The following HABP4 variants were observed in gnomAD, a reference collection of about 807,000 sequenced individuals.
HABP4 encodes the protein hyaluronan binding protein 4.
A neutral mutation model predicts 44.1 loss-of-function variants in HABP4; 32 were observed. The ratio of observed to expected loss-of-function variants is 0.73; its 90% CI spans 0.55 to 0.97. HABP4 has a LOEUF of 0.97. Ranked by LOEUF, HABP4 falls within the 50% of genes least tolerant of loss-of-function variation. The pLI is 0.00. For missense variants in HABP4, 503 were observed against 561.9 expected (o/e 0.90, Z 1.06); for synonymous variants, 216 against 218.0 (o/e 0.99, Z 0.08).
Position 96,490,325 on chromosome 9 carries a change from G to A in HABP4, c.*287G>A, listed in dbSNP as rs1253271855. On this transcript the variant is annotated 3_prime_UTR_variant, in exon 8 of 8. Transcript: ENST00000375249. ...ATATAGAGATAGTATAGACTCCTCC[G>A]CGGAAGCATGGAGGGAAAGGAGGTT... The A allele has an allele frequency of 1.2e-5, 4 of 328,886 alleles. No individual in the cohort carries two copies. The highest frequency in any genetic ancestry group is 6.5e-5 in the South Asian group (1 of 15,382). The allele number at this position is 328,886 out of a possible 1,614,324, so 20.4% of individuals were successfully genotyped here.
At chr9:96,478,709 A>G (rs973994188) in intron 5 of HABP4, among the ~76,000 whole-genome samples, 1 of 149,444 alleles carries the variant, frequency 6.7e-6, no homozygotes, top group East Asian at 2.0e-4. Context: ...CACCCAGGCT[A>G]GAGTACAGTG....
intron 2 of HABP4, among the ~76,000 whole-genome samples, chr9:96,462,685 G>C (rs1441633066): frequency 6.6e-6 from 1 of 152,018 alleles, no homozygotes; most frequent in Non-Finnish European, 1.5e-5. Context: ...TAGCACTTTG[G>C]GAGGCCTAGG....
chr9:96,462,464 A>T (rs10761022), intron 2 of HABP4, among the ~76,000 whole-genome samples: 45,294 of 151,506 alleles, frequency 0.3, 8,805 homozygotes, highest in African/African-American at 0.56. Flanking sequence ...AAAAAAAAAA[A>T]TTGCCAGGCG....
At chr9:96,468,184 T>G (rs1832636847) in intron 4 of HABP4, among the ~76,000 whole-genome samples, 1 of 151,980 alleles carries the variant, frequency 6.6e-6, no homozygotes, top group Non-Finnish European at 1.5e-5. Flanking sequence ...CCGGGCTCAG[T>G]TGATCCTTCC....
chr9:96,488,378 C>T lies in HABP4; in HGVS notation c.1185+104C>T, dbSNP rs1200169083. 5.7e-6 allele frequency: 4 copies of T among 701,336 alleles called. No homozygotes were observed. The East Asian group carries it at 1.1e-4, about 19-fold the overall frequency. 43.4% of individuals were successfully genotyped at this position (701,336 alleles called of 1,614,324 possible). The stretch of plus-strand genomic sequence containing the variant: ...GGGTCATGAGTTTCTGCAGTCACTT[C>T]TTTCTGTAGCTAGTGTGGGACTGAT... On this transcript the variant is annotated intron_variant, in intron 7 of 7. Transcript: ENST00000375249. This position sits in a 1 kb window ranked among gnomAD's most constrained non-coding sequence, Gnocchi z 4.6.
At chr9:96,467,527 C>CTTT (rs566272718) in intron 4 of HABP4, among the ~76,000 whole-genome samples, 38 of 118,122 alleles carry the variant, frequency 3.2e-4, no homozygotes, top group African/African-American at 5.3e-4. Flanking sequence ...TCTTTTTTTC[C>CTTT]TTTTTTTTTT....
rs1554725958 is a variant in HABP4, at chr9:96,475,405, A to AAAAAG, written c.827+4313_827+4314insAAGAA. ...ACAACAACAACAAAAAAAAAAAAAA[A>AAAAAG]AAGAAGAAAAAGAATAACATTTTTA... On this transcript the variant is annotated intron_variant, in intron 5 of 7. Transcript: ENST00000375249. 1.1e-3 allele frequency among the ~76,000 whole-genome samples: 168 copies of AAAAAG among 149,986 alleles called. 1 individual carries two copies. The highest frequency in any genetic ancestry group is 4.2e-3 in the African/African-American group (166 of 39,490).
chr9:96,472,223 A>T (rs1302150389), intron 5 of HABP4, among the ~76,000 whole-genome samples: 1 of 152,132 alleles, frequency 6.6e-6, no homozygotes, highest in African/African-American at 2.4e-5. Context: ...GCTGAGCACT[A>T]CAAGTCACAT....
chr9:96,478,922 G>A (rs1391161348), intron 5 of HABP4, among the ~76,000 whole-genome samples: 8 of 152,090 alleles, frequency 5.3e-5, no homozygotes, highest in Admixed American at 4.6e-4. Context: ...ACCGTGTCTA[G>A]CTTCATTGTG....
intron 3 of HABP4, 85 bp downstream of exon 3, chr9:96,465,583 C>A: frequency 8.7e-7 from 1 of 1,155,532 alleles, no homozygotes; most frequent in Non-Finnish European, 1.3e-6. Context: ...ATTTAGTTAA[C>A]TTTATAGTAC....
At chr9:96,456,323 A>G (rs926477511) in intron 1 of HABP4, among the ~76,000 whole-genome samples, 1 of 152,192 alleles carries the variant, frequency 6.6e-6, no homozygotes, top group African/African-American at 2.4e-5. Context: ...TTTGCTTTAA[A>G]ATGAGACCGG....
At chr9:96,465,875 T>C in intron 4 of HABP4, 97 bp downstream of exon 4, 1 of 710,382 alleles carries the variant, frequency 1.4e-6, no homozygotes, top group Admixed American at 2.3e-5. Context: ...TATTGTGCTT[T>C]ATACTTGTGT....
intron 5 of HABP4, among the ~76,000 whole-genome samples, chr9:96,481,152 T>C (rs905455974): frequency 6.6e-6 from 1 of 152,188 alleles, no homozygotes; most frequent in Non-Finnish European, 1.5e-5. Flanking sequence ...TGGTGCCATC[T>C]TGGCTCACTG....
chr9:96,486,500 A>G (rs1214944037), intron 6 of HABP4, among the ~76,000 whole-genome samples: 1 of 152,232 alleles, frequency 6.6e-6, no homozygotes, highest in Non-Finnish European at 1.5e-5. Flanking sequence ...TTAGGTAAAA[A>G]TAGAAGCTGC....
intron 5 of HABP4, among the ~76,000 whole-genome samples, chr9:96,477,617 T>C (rs1832803403): frequency 6.6e-6 from 1 of 152,196 alleles, no homozygotes; most frequent in Non-Finnish European, 1.5e-5. Context: ...TTCAAAACTT[T>C]TTAAAAAGAT....
At chr9:96,486,348 G>T (rs1247362112) in intron 6 of HABP4, among the ~76,000 whole-genome samples, 1 of 152,204 alleles carries the variant, frequency 6.6e-6, no homozygotes, top group Non-Finnish European at 1.5e-5. Context: ...GCAATCTCTG[G>T]GAGGTGTTTT....
intron 2 of HABP4, among the ~76,000 whole-genome samples, chr9:96,463,871 C>T (rs2131128469): frequency 6.6e-6 from 1 of 152,260 alleles, no homozygotes; most frequent in Non-Finnish European, 1.5e-5. Flanking sequence ...CTACTAATGC[C>T]ACTAGGTTTC....
upstream of HABP4, chr9:96,450,113 C>T: frequency 1.6e-6 from 1 of 608,956 alleles, no homozygotes; most frequent in Non-Finnish European, 2.2e-6. This position sits in a 1 kb window ranked among gnomAD's most constrained non-coding sequence, Gnocchi z 4.8. Context: ...TCTGGCGCAG[C>T]GGGGCGGACG....
In HABP4 at chr9:96,450,297, G is replaced by A. The variant is rs1194740373; in HGVS notation, c.18G>A (p.Gly6=). MKGAL[G]SPVAAAGAAM... ...GCGGCGGCATGAAGGGCGCTCTGGG[G>A]AGTCCCGTGGCTGCCGCTGGCGCCG... The change falls in exon 1 of 8, where the codon GGG becomes GGA. Residue 6 remains glycine (G), a synonymous_variant. Coordinates refer to ENST00000375249, the MANE Select transcript of HABP4 (RefSeq NM_014282.4). This position sits in a 1 kb window ranked among gnomAD's most constrained non-coding sequence, Gnocchi z 4.8. 2.0e-6 allele frequency: 3 copies of A among 1,464,594 alleles called. No individual in the cohort carries two copies. The South Asian group carries it at 3.8e-5, about 19-fold the overall frequency. The allele number at this position is 1,464,594 out of a possible 1,614,324, so 90.7% of individuals were successfully genotyped here.
Sources: gnomAD v4.1 joint callset for allele counts (sites outside exome capture counted in the v4.1 genomes callset) on GRCh38, gnomAD v4.1.1 for gene constraint, Gnocchi (gnomAD v3.1) non-coding constraint, MANE v1.5 for transcripts, NCBI Gene and HGNC (gene_info 2026-07-23, HGNC 2026-07-21) for gene names.